The following HLA-DMA variants were observed in gnomAD, a reference collection of about 807,000 sequenced individuals.
The protein encoded by HLA-DMA is HLA class II histocompatibility antigen, DM alpha chain.
In HLA-DMA, 20 loss-of-function variants were observed where a neutral mutation model predicts 27.3. The ratio of observed to expected loss-of-function variants is 0.73; its 90% CI spans 0.52 to 1.07. The LOEUF (loss-of-function observed/expected upper bound fraction) is 1.07. Ranked by LOEUF, HLA-DMA falls within the 50% of genes least tolerant of loss-of-function variation. The pLI, the probability that HLA-DMA is intolerant of heterozygous loss-of-function variation, is 0.00. For missense variants in HLA-DMA, 241 were observed against 321.7 expected (o/e 0.75, Z 1.92); for synonymous variants, 111 against 126.8 (o/e 0.88, Z 0.83).
In HLA-DMA at chr6:32,949,888, C is replaced by T; in HGVS notation, c.375G>A (p.Gly125=). The part of the protein sequence containing the change: ...KLDGKIPVSR[G]FPIAEVFTLK... ...GCGTGAACACTTCAGCGATAGGAAA[C>T]CCTGGTGGGGGGATTGAAGTGTAGG... Residue 125 remains glycine, a splice_region_variant and synonymous_variant, in exon 3 of 5, where the codon GGG becomes GGA. Coordinates refer to ENST00000374843, the MANE Select transcript of HLA-DMA (RefSeq NM_006120.4). This position sits in a 1 kb window ranked among gnomAD's most constrained non-coding sequence, Gnocchi z 5.8. 6.2e-7 allele frequency: 1 copy of T among 1,612,064 alleles called. No homozygotes were observed. The highest frequency in any genetic ancestry group is 8.5e-7 in the Non-Finnish European group (1 of 1,179,316).
Position 32,948,647 on chromosome 6 carries a change from G to C in HLA-DMA, c.*217C>G, listed in dbSNP as rs1776751405. On this transcript the variant is annotated 3_prime_UTR_variant, in exon 5 of 5. Transcript: ENST00000374843. ...GAAATGAGATTTATTGCCTTGTGGG[G>C]GGAAGGGATGTGGTTGTGATAGGCA... The C allele has an allele frequency of 1.6e-6, 1 of 612,624 alleles. No individual in the cohort carries two copies. The highest frequency in any genetic ancestry group is 2.8e-5 in the Admixed American group (1 of 35,158). The allele number at this position is 612,624 out of a possible 1,614,324, so 37.9% of individuals were successfully genotyped here.
Position 32,950,874 on chromosome 6 carries a change from G to A in HLA-DMA, c.89-71C>T. Reference sequence around the variant, plus strand: ...CTCCAACTTAAAAAACAGCAAGGTGGGGCTAGGCGCAGTGGCTCATGCCTG... The same window carrying A: ...CTCCAACTTAAAAAACAGCAAGGTGAGGCTAGGCGCAGTGGCTCATGCCTG... On this transcript the variant is annotated intron_variant, in intron 1 of 4. Coordinates refer to ENST00000374843, the MANE Select transcript of HLA-DMA (RefSeq NM_006120.4). This position sits in a 1 kb window ranked among gnomAD's most constrained non-coding sequence, Gnocchi z 5.0. 6.6e-7 allele frequency: 1 copy of A among 1,509,018 alleles called. No individual in the cohort carries two copies. The highest frequency in any genetic ancestry group is 9.0e-7 in the Non-Finnish European group (1 of 1,107,362). The allele number at this position is 1,509,018 out of a possible 1,614,324, so 93.5% of individuals were successfully genotyped here. A position where few individuals can be genotyped will look rare whatever the true frequency, so the allele number is the denominator to read the frequency against.
Position 32,951,490 on chromosome 6 carries a change from G to T in HLA-DMA, c.89-687C>A, listed in dbSNP as rs6938898. On this transcript the variant is annotated intron_variant, in intron 1 of 4. Transcript: ENST00000374843. ...ACAAAAAATACAAAAACTTAGCCAG[G>T]TGTGGTGGCAAACACCTGTGGTCTC... Among the ~76,000 whole-genome samples the T allele has an allele frequency of 5.0e-3, 765 of 152,126 alleles. 5 individuals are homozygous for T. Among genetic ancestry groups the T allele is most frequent in the African/African-American group, 0.017 (695 of 41,506 alleles).
rs141218263 is a variant in HLA-DMA, at chr6:32,950,762, A to G, written c.130T>C (p.Phe44Leu). ...MWPDDLQNHT[F>L]LHTVYCQDGS... The stretch of plus-strand genomic sequence containing the variant: ...TCCTGGCAGTACACTGTGTGCAGGA[A>G]TGTGTGGTTTTGCAGGTCATCTGGC... The change falls in exon 2 of 5, where the codon TTC (phenylalanine) becomes CTC (leucine). Residue 44 changes from phenylalanine (F) to leucine (L), a missense_variant. By Grantham distance (22) the Phe-to-Leu change is conservative. Transcript: ENST00000374843. The surrounding 1 kb of genome is among the most constrained non-coding windows in gnomAD (Gnocchi z 5.0). 14 of 1,612,734 alleles carry G rather than the reference A, an allele frequency of 8.7e-6. No homozygotes were observed. In the African/African-American group the frequency reaches 1.7e-4, roughly 20 times the overall value.
At chr6:32,951,072 C>A (rs1776878223) in intron 1 of HLA-DMA, among the ~76,000 whole-genome samples, 1 of 152,128 alleles carries the variant, frequency 6.6e-6, no homozygotes, top group Non-Finnish European at 1.5e-5. Context: ...ATTGCTTGAA[C>A]CAGGGAGGCA....
Position 32,949,928 on chromosome 6 carries a change from A to T in HLA-DMA, c.374-39T>A. On this transcript the variant is annotated intron_variant, in intron 2 of 4. Coordinates refer to ENST00000374843, the MANE Select transcript of HLA-DMA (RefSeq NM_006120.4). The surrounding 1 kb of genome is among the most constrained non-coding windows in gnomAD (Gnocchi z 5.8). ...TGAAGTGTAGGGGGAAAAAGAGACTAGTTTAGATGGTATCTCTGTGTTTGG... is the reference window on the plus strand; with the variant it reads ...TGAAGTGTAGGGGGAAAAAGAGACTTGTTTAGATGGTATCTCTGTGTTTGG... The T allele has an allele frequency of 6.3e-7, 1 of 1,599,788 alleles. No homozygotes were observed.
rs1020617825 is a variant in HLA-DMA at position 32,948,944 on chromosome 6, C to T, written c.782-76G>A. The T allele has an allele frequency of 1.5e-5, 23 of 1,551,034 alleles. No homozygotes were observed. In the East Asian group the frequency reaches 4.7e-4, roughly 32 times the overall value. On this transcript the variant is annotated intron_variant, in intron 4 of 4. Coordinates refer to ENST00000374843, the MANE Select transcript of HLA-DMA (RefSeq NM_006120.4). ...CCTCCTTCTCCTCCTCCTCCTCCCC[C>T]ACAAAGGCCTTGCTCGCCCTGCCTG... is the stretch of plus-strand genomic sequence containing the variant.
rs113046654 is a variant in HLA-DMA at position 32,950,883 on chromosome 6, G to A, written c.89-80C>T. 11 of 1,434,140 alleles carry A rather than the reference G, an allele frequency of 7.7e-6. No individual in the cohort carries two copies. Among genetic ancestry groups the A allele is most frequent in the South Asian group, 5.1e-5 (4 of 79,022 alleles). The allele number at this position is 1,434,140 out of a possible 1,614,324, so 88.8% of individuals were successfully genotyped here. ...AAAAAACAGCAAGGTGGGGCTAGGC[G>A]CAGTGGCTCATGCCTGTAATCCCAG... On this transcript the variant is annotated intron_variant, in intron 1 of 4. Transcript: ENST00000374843. The surrounding 1 kb of genome is among the most constrained non-coding windows in gnomAD (Gnocchi z 5.0).
chr6:32,948,944 C>A (rs1020617825), intron 4 of HLA-DMA, 76 bp from the exon 5 acceptor site: 8 of 1,550,914 alleles, frequency 5.2e-6, no homozygotes, highest in African/African-American at 2.7e-5. Flanking sequence ...CCTCCTCCCC[C>A]ACAAAGGCCT....
Position 32,950,471 on chromosome 6 carries a change from T to G in HLA-DMA, c.373+48A>C. On this transcript the variant is annotated intron_variant, in intron 2 of 4. Coordinates refer to ENST00000374843, the MANE Select transcript of HLA-DMA (RefSeq NM_006120.4). This position sits in a 1 kb window ranked among gnomAD's most constrained non-coding sequence, Gnocchi z 5.0. ...GGGAATTATTCAGTGTACAGATCAA[T>G]GAGGTTAATGCAGCCCTCCTCCCTT... The G allele has an allele frequency of 6.2e-5, 99 of 1,588,554 alleles. No homozygotes were observed. The highest frequency in any genetic ancestry group is 8.1e-5 in the Non-Finnish European group (94 of 1,159,214).
rs781137860 is a variant in HLA-DMA, at chr6:32,950,650, C to T, written c.242G>A (p.Arg81His). 7.4e-6 allele frequency: 12 copies of T among 1,613,000 alleles called. No homozygotes were observed. The highest frequency in any genetic ancestry group is 7.6e-6 in the Non-Finnish European group (9 of 1,180,034). Residue 81 changes from arginine (R) to histidine (H), a missense_variant, in exon 2 of 5, where the codon CGC becomes CAC. Transcript: ENST00000374843. This position sits in a 1 kb window ranked among gnomAD's most constrained non-coding sequence, Gnocchi z 5.0. Reference protein sequence around the residue: ...FDFSQNTRVPRLPEFADWAQE... With the variant: ...FDFSQNTRVPHLPEFADWAQE... The stretch of plus-strand genomic sequence containing the variant: ...AGCCCAGTCAGCAAATTCGGGCAGG[C>T]GAGGCACCCGAGTGTTCTGGGAAAA...
At chr6:32,948,979 C>T in intron 4 of HLA-DMA, 111 bp from the exon 5 acceptor site, 1 of 1,249,382 alleles carries the variant, frequency 8.0e-7, no homozygotes, top group East Asian at 2.4e-5. Context: ...GCACCACACC[C>T]TGCAGAAGTT....
Position 32,948,645 on chromosome 6 carries a change from G to C in HLA-DMA, c.*219C>G, listed in dbSNP as rs369558509. 2 of 611,586 alleles carry C rather than the reference G, an allele frequency of 3.3e-6. No homozygotes were observed. The allele number at this position is 611,586 out of a possible 1,614,324, so 37.9% of individuals were successfully genotyped here. A position where few individuals can be genotyped will look rare whatever the true frequency, so the allele number is the denominator to read the frequency against. On this transcript the variant is annotated 3_prime_UTR_variant, in exon 5 of 5. Coordinates refer to ENST00000374843, the MANE Select transcript of HLA-DMA (RefSeq NM_006120.4). Reference sequence around the variant, plus strand: ...AAGAAATGAGATTTATTGCCTTGTGGGGGGAAGGGATGTGGTTGTGATAGG... The same window carrying C: ...AAGAAATGAGATTTATTGCCTTGTGCGGGGAAGGGATGTGGTTGTGATAGG...
At position 32,950,546 on chromosome 6, in the gene HLA-DMA, G is replaced by A. The variant is rs549243835; in HGVS notation, c.346C>T (p.Leu116Phe). ...EWMIQQIGPK[L>F]DGKIPVSRGF... ...CTGGACACCGGGATTTTCCCATCAAGTTTTGGCCCTATTTGCTGGATCATC... is the reference window on the plus strand; with the variant it reads ...CTGGACACCGGGATTTTCCCATCAAATTTTGGCCCTATTTGCTGGATCATC... The change falls in exon 2 of 5, where the codon CTT becomes TTT. Residue 116 changes from leucine (L) to phenylalanine (F), a missense_variant. Transcript: ENST00000374843. This position sits in a 1 kb window ranked among gnomAD's most constrained non-coding sequence, Gnocchi z 5.0. 1.9e-6 allele frequency: 3 copies of A among 1,613,048 alleles called. No individual in the cohort carries two copies. Among genetic ancestry groups the A allele is most frequent in the Non-Finnish European group, 2.5e-6 (3 of 1,180,030 alleles).
In HLA-DMA at chr6:32,950,655, C is replaced by A. The variant is rs766109782; in HGVS notation, c.237G>T (p.Val79=). ...FFFDFSQNTR[V]PRLPEFADWA... is the part of the protein sequence containing the mutation. ...AGTCAGCAAATTCGGGCAGGCGAGG[C>A]ACCCGAGTGTTCTGGGAAAAGTCGA... The change falls in exon 2 of 5, where the codon GTG becomes GTT. Residue 79 remains valine, a synonymous_variant. Transcript: ENST00000374843. The surrounding 1 kb of genome is among the most constrained non-coding windows in gnomAD (Gnocchi z 5.0). 44 of 1,612,960 alleles carry A rather than the reference C, an allele frequency of 2.7e-5. 1 individual carries two copies. The highest frequency in any genetic ancestry group is 5.9e-6 in the Non-Finnish European group (7 of 1,180,052).
At position 32,948,826 on chromosome 6, in the gene HLA-DMA, G is replaced by T. The variant is rs769591581; in HGVS notation, c.*38C>A. 6.2e-6 allele frequency: 10 copies of T among 1,613,292 alleles called. No homozygotes were observed. Among genetic ancestry groups the T allele is most frequent in the Non-Finnish European group, 6.8e-6 (8 of 1,179,456 alleles). Reference sequence around the variant, plus strand: ...AAATCTGAGCATCCTCTGTTTGGATGGCCGAAGCTGCTGGCATCAAACTCT... The same window carrying T: ...AAATCTGAGCATCCTCTGTTTGGATTGCCGAAGCTGCTGGCATCAAACTCT... On this transcript the variant is annotated 3_prime_UTR_variant, in exon 5 of 5. Coordinates refer to ENST00000374843, the MANE Select transcript of HLA-DMA (RefSeq NM_006120.4).
Position 32,949,724 on chromosome 6 carries a change from T to C in HLA-DMA, c.539A>G (p.Asp180Gly), listed in dbSNP as rs1433311717. 1 of 1,612,926 alleles carries C rather than the reference T, an allele frequency of 6.2e-7. No homozygotes were observed. The highest frequency in any genetic ancestry group is 8.5e-7 in the Non-Finnish European group (1 of 1,180,034). ...GFGPTFVSAV[D>G]GLSFQAFSYL... ...AGAAAAGGCCTGGAAGCTGAGTCCA[T>C]CGACAGCTGAGACAAAAGTAGGCCC... is the stretch of plus-strand genomic sequence containing the variant. Residue 180 changes from aspartate to glycine, a missense_variant, in exon 3 of 5, where the codon GAT becomes GGT. Asp to Gly is a moderately conservative substitution (Grantham distance 94). Transcript: ENST00000374843. The surrounding 1 kb of genome is among the most constrained non-coding windows in gnomAD (Gnocchi z 5.8).
At position 32,949,431 on chromosome 6, in the gene HLA-DMA, C is replaced by A. The variant is rs777880757; in HGVS notation, c.653-32G>T. 5.0e-6 allele frequency: 8 copies of A among 1,612,516 alleles called. No homozygotes were observed. Among genetic ancestry groups the A allele is most frequent in the Non-Finnish European group, 6.8e-6 (8 of 1,179,238 alleles). ...GAAATGAGTGGCTCAGCCTGGGGACCTAGTTAGGGAGCCTCCCACCCAGGG... is the reference window on the plus strand; with the variant it reads ...GAAATGAGTGGCTCAGCCTGGGGACATAGTTAGGGAGCCTCCCACCCAGGG... On this transcript the variant is annotated intron_variant, in intron 3 of 4. Coordinates refer to ENST00000374843, the MANE Select transcript of HLA-DMA (RefSeq NM_006120.4). This position sits in a 1 kb window ranked among gnomAD's most constrained non-coding sequence, Gnocchi z 5.8.
chr6:32,948,795 T>C lies in HLA-DMA; in HGVS notation c.*69A>G. 2 of 1,575,918 alleles carry C rather than the reference T, an allele frequency of 1.3e-6. No homozygotes were observed. The highest frequency in any genetic ancestry group is 1.1e-5 in the South Asian group (1 of 90,382). Reference sequence around the variant, plus strand: ...CCCTAAGAGGAGATCCTGGGCAGGATGTGAGAAATCTGAGCATCCTCTGTT... The same window carrying C: ...CCCTAAGAGGAGATCCTGGGCAGGACGTGAGAAATCTGAGCATCCTCTGTT... On this transcript the variant is annotated 3_prime_UTR_variant, in exon 5 of 5. Transcript: ENST00000374843.
Sources: gnomAD v4.1 joint callset for allele counts (sites outside exome capture counted in the v4.1 genomes callset) on GRCh38, gnomAD v4.1.1 for gene constraint, Gnocchi (gnomAD v3.1) non-coding constraint, MANE v1.5 for transcripts, NCBI Gene and HGNC (gene_info 2026-07-23, HGNC 2026-07-21) for gene names.